PHACTR3: variants seen among roughly 807,000 people sequenced by gnomAD.
The protein encoded by PHACTR3 is phosphatase and actin regulator 3.
PHACTR3 carries 16 observed loss-of-function variants against 66.8 expected under a neutral mutation model. The ratio of observed to expected loss-of-function variants is 0.24; its 90% CI spans 0.16 to 0.36. The LOEUF is 0.36. Among genes scored for constraint, PHACTR3 ranks in the 10% least tolerant of loss-of-function variants. The pLI is 1.00. For synonymous variants in PHACTR3, 323 were observed against 292.1 expected (o/e 1.11, Z -1.08); for missense variants, 647 against 719.9 (o/e 0.90, Z 1.16).
intron 1 of PHACTR3, among the ~76,000 whole-genome samples, chr20:59,725,314 T>G (rs1422458936): frequency 6.6e-6 from 1 of 150,476 alleles, no homozygotes; most frequent in Non-Finnish European, 1.5e-5. Flanking sequence ...AGTGAGGCTA[T>G]GAGCTCAGGT....
At chr20:59,600,131 G>A (rs6026986), upstream of PHACTR3, among the ~76,000 whole-genome samples, 13,448 of 152,160 alleles carry the variant, frequency 0.088, 628 homozygotes, top group South Asian at 0.14. Flanking sequence ...TCTTCGCTCA[G>A]GCTGTTCCCT....
chr20:59,770,461 C>G (rs1301982857), intron 5 of PHACTR3, among the ~76,000 whole-genome samples: 1 of 152,200 alleles, frequency 6.6e-6, no homozygotes, highest in Non-Finnish European at 1.5e-5. Flanking sequence ...AGGAGGGACC[C>G]TGGCCCAACT....
chr20:59,736,011 G>A lies in PHACTR3; in HGVS notation c.119-7096G>A, dbSNP rs1358128886. Among the ~76,000 whole-genome samples, 1 of 152,084 alleles carries A rather than the reference G, an allele frequency of 6.6e-6. No individual in the cohort carries two copies. Among genetic ancestry groups the A allele is most frequent in the East Asian group, 1.9e-4 (1 of 5,186 alleles). On this transcript the variant is annotated intron_variant, in intron 1 of 12. Transcript: ENST00000371015. This position sits in a 1 kb window ranked among gnomAD's most constrained non-coding sequence, Gnocchi z 4.6. ...GGAAAGGGATGGAGTTAGTTACCCA[G>A]GGACAAGTATACCAGCTACTGTGAG... is the stretch of plus-strand genomic sequence containing the variant.
intron 8 of PHACTR3, among the ~76,000 whole-genome samples, chr20:59,823,994 G>T (rs899645691): frequency 2.0e-5 from 3 of 152,230 alleles, no homozygotes; most frequent in Non-Finnish European, 2.9e-5. Context: ...CAACAGGGAG[G>T]CCACGAAGTC....
intron 1 of PHACTR3, among the ~76,000 whole-genome samples, chr20:59,647,853 T>G (rs2035337134): frequency 6.6e-6 from 1 of 152,206 alleles, no homozygotes; most frequent in African/African-American, 2.4e-5. Flanking sequence ...TTGGCTGGGT[T>G]TCCTCATCTG....
At chr20:59,805,465 G>A (rs1248477860) in intron 7 of PHACTR3, among the ~76,000 whole-genome samples, 4 of 152,300 alleles carry the variant, frequency 2.6e-5, no homozygotes, top group African/African-American at 7.2e-5. Flanking sequence ...ATTAAGATAA[G>A]TGGAGTGGTG....
intron 7 of PHACTR3, among the ~76,000 whole-genome samples, chr20:59,794,428 G>A (rs545956209): frequency 6.6e-6 from 1 of 152,058 alleles, no homozygotes; most frequent in Non-Finnish European, 1.5e-5. Flanking sequence ...TTTTAAATGT[G>A]TTGTTGAATC....
At chr20:59,617,247 A>T (rs1568936585) in intron 1 of PHACTR3, among the ~76,000 whole-genome samples, 1 of 152,186 alleles carries the variant, frequency 6.6e-6, no homozygotes, top group Non-Finnish European at 1.5e-5. Context: ...CCATGTTCCC[A>T]TAAAAAAATT....
intron 1 of PHACTR3, among the ~76,000 whole-genome samples, chr20:59,598,848 C>T (rs574395768): frequency 2.6e-5 from 4 of 152,284 alleles, no homozygotes; most frequent in South Asian, 4.1e-4. Context: ...GGCTGCCCAC[C>T]TGACGAACCT....
chr20:59,823,290 G>T (rs967643456), intron 8 of PHACTR3, among the ~76,000 whole-genome samples: 5 of 152,030 alleles, frequency 3.3e-5, no homozygotes, highest in Non-Finnish European at 2.9e-5. Context: ...GAGTCCTAAC[G>T]CCCAGAACAG....
chr20:59,704,760 A>AT (rs11411434), intron 1 of PHACTR3, among the ~76,000 whole-genome samples: 7,186 of 151,144 alleles, frequency 0.048, 548 homozygotes, highest in African/African-American at 0.16. Flanking sequence ...CCTTTATTAT[A>AT]TTTTTTTCAA....
intron 1 of PHACTR3, 37 bp downstream of exon 1, chr20:59,605,169 A>C: frequency 8.0e-7 from 1 of 1,248,008 alleles, no homozygotes; most frequent in Non-Finnish European, 1.0e-6. Context: ...CGGGTCGGGG[A>C]GGCCCGAGGC....
At chr20:59,623,218 A>G (rs1486437517) in intron 1 of PHACTR3, among the ~76,000 whole-genome samples, 1 of 151,912 alleles carries the variant, frequency 6.6e-6, no homozygotes, top group Non-Finnish European at 1.5e-5. Context: ...TGGAGACAGG[A>G]TGGGGTGGGG....
chr20:59,681,543 A>G (rs1039358240), intron 1 of PHACTR3, among the ~76,000 whole-genome samples: 1 of 152,280 alleles, frequency 6.6e-6, no homozygotes. Context: ...GACACAAATC[A>G]ATAAAAGCAT....
chr20:59,744,361 C>T (rs978513748), intron 2 of PHACTR3, among the ~76,000 whole-genome samples: 7 of 152,208 alleles, frequency 4.6e-5, no homozygotes, highest in South Asian at 2.1e-4. Context: ...GGCCGCATCT[C>T]CACCCCAGGG....
chr20:59,649,741 G>A (rs2035399418), intron 1 of PHACTR3, among the ~76,000 whole-genome samples: 2 of 152,148 alleles, frequency 1.3e-5, no homozygotes, highest in South Asian at 4.1e-4. Context: ...TAAGTTGGGA[G>A]TATGCCTTCC....
At chr20:59,688,387 G>A (rs184235564) in intron 1 of PHACTR3, among the ~76,000 whole-genome samples, 2 of 152,316 alleles carry the variant, frequency 1.3e-5, no homozygotes, top group Admixed American at 1.3e-4. Flanking sequence ...TGGTGGAACA[G>A]CATTAAGGAC....
intron 7 of PHACTR3, among the ~76,000 whole-genome samples, chr20:59,779,592 T>C (rs1470856882): frequency 1.3e-5 from 2 of 152,260 alleles, no homozygotes; most frequent in Non-Finnish European, 2.9e-5. Flanking sequence ...TTTTATTCAT[T>C]TATTCATTTA....
intron 1 of PHACTR3, among the ~76,000 whole-genome samples, chr20:59,708,635 T>A (rs1224813093): frequency 6.6e-6 from 1 of 152,180 alleles, no homozygotes; most frequent in Admixed American, 6.5e-5. Flanking sequence ...TCCTGCTTCA[T>A]GGGAGACAGC....
Sources: allele counts gnomAD v4.1 joint callset (sites outside exome capture counted in the v4.1 genomes callset), GRCh38; gene constraint gnomAD v4.1.1; non-coding constraint Gnocchi (gnomAD v3.1); transcripts MANE v1.5; gene names NCBI Gene and HGNC (gene_info 2026-07-23, HGNC 2026-07-21).